Variants in ATG5 observed in about 807,000 individuals in gnomAD.
ATG5 encodes the protein autophagy related 5.
In ATG5, 14 loss-of-function variants were observed where a neutral mutation model predicts 36.5. The ratio of observed to expected loss-of-function variants is 0.38; its 90% CI spans 0.25 to 0.60. ATG5 has a LOEUF of 0.60. Among genes scored for constraint, ATG5 ranks in the 20% least tolerant of loss-of-function variants. The pLI is 0.60. For synonymous variants in ATG5, 95 were observed against 101.5 expected (o/e 0.94, Z 0.38); for missense variants, 195 against 326.7 (o/e 0.60, Z 3.11).
intron 5 of ATG5, among the ~76,000 whole-genome samples, chr6:106,269,795 C>A (rs1156495459): frequency 6.6e-6 from 1 of 151,518 alleles, no homozygotes; most frequent in African/African-American, 2.5e-5. Context: ...TCCCTCCACA[C>A]CTCCCTGCAT....
At chr6:106,233,463 C>G (rs974956703) in intron 6 of ATG5, among the ~76,000 whole-genome samples, 1 of 152,154 alleles carries the variant, frequency 6.6e-6, no homozygotes, top group East Asian at 1.9e-4. Context: ...AGCTTGCCAA[C>G]GGGGCAAGAC....
At chr6:106,230,321 T>C (rs1169508958) in intron 6 of ATG5, among the ~76,000 whole-genome samples, 1 of 152,238 alleles carries the variant, frequency 6.6e-6, no homozygotes, top group Non-Finnish European at 1.5e-5. Flanking sequence ...CTGTTGTTTA[T>C]GGGAATGCAT....
intron 7 of ATG5, among the ~76,000 whole-genome samples, chr6:106,187,751 T>C (rs1384847799): frequency 6.6e-6 from 1 of 152,164 alleles, no homozygotes; most frequent in Non-Finnish European, 1.5e-5. Flanking sequence ...GAGCTGATGA[T>C]GTATGGTGAT....
chr6:106,245,183 G>A (rs895118532), intron 6 of ATG5, among the ~76,000 whole-genome samples: 4 of 152,066 alleles, frequency 2.6e-5, no homozygotes, highest in Non-Finnish European at 5.9e-5. Context: ...ATGGCTTTTG[G>A]ACCAATTCAA....
chr6:106,229,324 C>A (rs1242255125), intron 6 of ATG5, among the ~76,000 whole-genome samples: 1 of 152,146 alleles, frequency 6.6e-6, no homozygotes, highest in African/African-American at 2.4e-5. Context: ...CTGTTCCCCA[C>A]CACCCTTGCC....
In ATG5 at chr6:106,186,522, A is replaced by C. The variant is rs752467751; in HGVS notation, c.*18T>G. On this transcript the variant is annotated 3_prime_UTR_variant, in exon 8 of 8. Transcript: ENST00000369076. ...ATCCCATTTAAGGATGATTCTGTTC[A>C]GGCAAATAGTTGATCCTTCAATCTG... 2.5e-6 allele frequency: 4 copies of C among 1,612,024 alleles called. No individual in the cohort carries two copies. In the South Asian group the frequency reaches 4.4e-5, roughly 18 times the overall value.
Position 106,310,244 on chromosome 6 carries a change from T to C in ATG5, c.109-1753A>G, listed in dbSNP as rs189191490. Among the ~76,000 whole-genome samples, 23 of 152,228 alleles carry C rather than the reference T, an allele frequency of 1.5e-4. 1 individual carries two copies. In the East Asian group the frequency reaches 3.9e-3, roughly 26 times the overall value. ...TTAAGTGAGGCAGAGCCAACAACTG[T>C]AATTTTAAAAGAATACTCATTTTTA... is the stretch of plus-strand genomic sequence containing the variant. On this transcript the variant is annotated intron_variant, in intron 2 of 7. Transcript: ENST00000369076.
intron 5 of ATG5, chr6:106,271,774 C>A (rs1272710229): frequency 2.0e-5 from 3 of 150,246 alleles, no homozygotes; most frequent in East Asian, 3.9e-4. Flanking sequence ...GCCATTTTTG[C>A]TACACAGAAT....
At position 106,228,685 on chromosome 6, in the gene ATG5, C is replaced by A. The variant is rs563042019; in HGVS notation, c.573+19465G>T. On this transcript the variant is annotated intron_variant, in intron 6 of 7. Transcript: ENST00000369076. ...CCTGAACCCGCAACCATGAAGGGAT[C>A]TCCAAAGCGGTAATATTGGACCACT... 2.6e-5 allele frequency among the ~76,000 whole-genome samples: 4 copies of A among 152,282 alleles called. No individual in the cohort carries two copies. In the East Asian group the frequency reaches 7.7e-4, roughly 29 times the overall value.
At position 106,323,873 on chromosome 6, in the gene ATG5, C is replaced by A. The variant is rs184681995; in HGVS notation, c.-59+1653G>T. 2.0e-5 allele frequency among the ~76,000 whole-genome samples: 3 copies of A among 152,276 alleles called. No homozygotes were observed. The East Asian group carries it at 5.8e-4, about 29-fold the overall frequency. On this transcript the variant is annotated intron_variant, in intron 1 of 7. Transcript: ENST00000369076. Reference sequence around the variant, plus strand: ...CCACATGCTCCTAAATGACTTGGCCCCATTTCCACCTAAGTATCCACTACT... The same window carrying A: ...CCACATGCTCCTAAATGACTTGGCCACATTTCCACCTAAGTATCCACTACT...
chr6:106,207,715 T>C (rs1484216714), intron 6 of ATG5, among the ~76,000 whole-genome samples: 1 of 152,134 alleles, frequency 6.6e-6, no homozygotes, highest in East Asian at 1.9e-4. Flanking sequence ...ACAGGCACGA[T>C]CATCACAAAC....
chr6:106,248,355 T>C (rs1485668576), intron 5 of ATG5, 111 bp from the exon 6 acceptor site: 3 of 618,754 alleles, frequency 4.8e-6, no homozygotes, highest in Admixed American at 5.9e-5. Flanking sequence ...TGAAAGGACA[T>C]CACATATATT....
intron 2 of ATG5, among the ~76,000 whole-genome samples, chr6:106,315,347 C>G (rs1338377983): frequency 6.6e-6 from 1 of 152,090 alleles, no homozygotes; most frequent in African/African-American, 2.4e-5. Context: ...ACAGTAACGA[C>G]AATTGAGAAT....
At chr6:106,297,152 G>C (rs1769988321) in intron 3 of ATG5, among the ~76,000 whole-genome samples, 1 of 152,108 alleles carries the variant, frequency 6.6e-6, no homozygotes, top group South Asian at 2.1e-4. Flanking sequence ...AATCTTAACA[G>C]CTTAGTCATC....
At chr6:106,279,614 C>A (rs1033650698) in intron 5 of ATG5, 47 bp downstream of exon 5, 16 of 1,358,452 alleles carry the variant, frequency 1.2e-5, no homozygotes, top group Non-Finnish European at 1.6e-5. Flanking sequence ...ATGGCTGTAT[C>A]ATATTTTATA....
intron 3 of ATG5, among the ~76,000 whole-genome samples, chr6:106,296,451 T>C (rs1464283845): frequency 6.6e-6 from 1 of 152,252 alleles, no homozygotes; most frequent in Non-Finnish European, 1.5e-5. Context: ...AGAAGGATGA[T>C]AGAAGAATGT....
chr6:106,255,629 GAAT>G lies in ATG5; in HGVS notation c.479-7388_479-7386del, dbSNP rs535919699. ...CAATTATCGTATTCTAACCAATTAAGAATAATTTATTTCAAATGTATTTTTAAG... is the reference window on the plus strand; with the variant it reads ...CAATTATCGTATTCTAACCAATTAAGAATTTATTTCAAATGTATTTTTAAG... On this transcript the variant is annotated intron_variant, in intron 5 of 7. Coordinates refer to ENST00000369076, the MANE Select transcript of ATG5 (RefSeq NM_004849.4). Among the ~76,000 whole-genome samples, 6 of 152,012 alleles carry G rather than the reference GAAT, an allele frequency of 3.9e-5. No homozygotes were observed. In the East Asian group the frequency reaches 1.2e-3, roughly 29 times the overall value.
At chr6:106,210,478 A>C (rs1296581432) in intron 6 of ATG5, among the ~76,000 whole-genome samples, 1 of 152,260 alleles carries the variant, frequency 6.6e-6, no homozygotes, top group East Asian at 1.9e-4. Flanking sequence ...AGTTATAGTG[A>C]GAAAAGCTCT....
At chr6:106,245,455 G>C (rs1004928548) in intron 6 of ATG5, among the ~76,000 whole-genome samples, 10 of 152,124 alleles carry the variant, frequency 6.6e-5, no homozygotes, top group African/African-American at 2.4e-4. Context: ...ATCAGGCCTA[G>C]GTCTGGATTC....
Sources: gnomAD v4.1 joint callset for allele counts (sites outside exome capture counted in the v4.1 genomes callset) on GRCh38, gnomAD v4.1.1 for gene constraint, MANE v1.5 for transcripts, NCBI Gene and HGNC (gene_info 2026-07-23, HGNC 2026-07-21) for gene names.